Variants in C1orf87 observed in about 807,000 individuals in gnomAD.
C1orf87 encodes uncharacterized protein C1orf87.
A neutral mutation model predicts 60.5 loss-of-function variants in C1orf87; 58 were observed. That is an observed-to-expected ratio of 0.96 (90% CI 0.78 to 1.19). The LOEUF is 1.19. Among genes scored for constraint, C1orf87 ranks in the 50% most tolerant of loss-of-function variants. The probability of loss-of-function intolerance (pLI) is 0.00; values close to 1 mark genes in which losing one functional copy is unlikely to be tolerated. For synonymous variants in C1orf87, 236 were observed against 227.4 expected, an observed-to-expected ratio of 1.04 and a Z score of -0.34; for missense variants, 673 against 638.6, an observed-to-expected ratio of 1.05 and a Z score of -0.58.
intron 3 of C1orf87, among the ~76,000 whole-genome samples, chr1:60,048,988 T>C (rs2100309517): frequency 6.6e-6 from 1 of 152,232 alleles, no homozygotes; most frequent in African/African-American, 2.4e-5. Flanking sequence ...TCATTGTCTA[T>C]GGAAATTTAG....
At position 60,072,648 on chromosome 1, in the gene C1orf87, C is replaced by G. The variant is rs1480420147; in HGVS notation, c.-5G>C. 10 of 1,598,296 alleles carry G rather than the reference C, an allele frequency of 6.3e-6. No homozygotes were observed. The highest frequency in any genetic ancestry group is 7.7e-6 in the Non-Finnish European group (9 of 1,172,428). ...AGTCTTCCAGGCTGAAGACATGATT[C>G]CTTTCAAAATCCCTTCAGATCCCTA... On this transcript the variant is annotated 5_prime_UTR_variant, in exon 2 of 12. Coordinates refer to ENST00000371201, the MANE Select transcript of C1orf87 (RefSeq NM_152377.3).
chr1:60,009,112 C>T (rs1235996931), intron 9 of C1orf87, among the ~76,000 whole-genome samples: 1 of 152,010 alleles, frequency 6.6e-6, no homozygotes, highest in Non-Finnish European at 1.5e-5. Flanking sequence ...GAAACAAGAT[C>T]TTTTCAGATG....
At chr1:60,032,693 C>T (rs993529199) in intron 7 of C1orf87, among the ~76,000 whole-genome samples, 7 of 152,148 alleles carry the variant, frequency 4.6e-5, no homozygotes, top group African/African-American at 1.2e-4. Context: ...TCTGCCTCGG[C>T]GTCCCAAAGT....
chr1:60,061,253 C>T (rs542219954), intron 2 of C1orf87, among the ~76,000 whole-genome samples: 69 of 152,152 alleles, frequency 4.5e-4, no homozygotes, highest in Non-Finnish European at 8.7e-4. Flanking sequence ...TCTTAGCTGG[C>T]GAAACTAAAG....
At chr1:60,058,361 AG>A (rs1280095449) in intron 2 of C1orf87, among the ~76,000 whole-genome samples, 3 of 152,216 alleles carry the variant, frequency 2.0e-5, no homozygotes, top group Non-Finnish European at 2.9e-5. Context: ...ATGTAAATAT[AG>A]GTATGTTGTA....
chr1:59,991,272 T>C (rs1211308054), intron 11 of C1orf87, among the ~76,000 whole-genome samples: 4 of 152,222 alleles, frequency 2.6e-5, no homozygotes, highest in African/African-American at 9.6e-5. Flanking sequence ...TGCATTTCTC[T>C]AAATGTATTT....
intron 7 of C1orf87, among the ~76,000 whole-genome samples, chr1:60,028,323 A>G (rs1244450925): frequency 1.3e-5 from 2 of 152,226 alleles, no homozygotes; most frequent in Non-Finnish European, 2.9e-5. Context: ...CATATTAGAA[A>G]TAGTACATCA....
chr1:60,012,475 T>A (rs1157866852), intron 8 of C1orf87, among the ~76,000 whole-genome samples: 1 of 152,150 alleles, frequency 6.6e-6, no homozygotes, highest in Non-Finnish European at 1.5e-5. Flanking sequence ...AAGATCCTTC[T>A]AACAAAATAT....
intron 9 of C1orf87, among the ~76,000 whole-genome samples, chr1:60,003,781 C>T (rs1024231872): frequency 2.0e-5 from 3 of 151,976 alleles, no homozygotes; most frequent in Non-Finnish European, 2.9e-5. Context: ...TGTTCTAATA[C>T]GTAGTTTGAA....
chr1:60,069,136 G>A (rs544384528), intron 2 of C1orf87, among the ~76,000 whole-genome samples: 6 of 152,208 alleles, frequency 3.9e-5, no homozygotes, highest in Admixed American at 6.5e-5. Flanking sequence ...TATTCCTTAC[G>A]GGTGTTACAG....
intron 9 of C1orf87, among the ~76,000 whole-genome samples, chr1:60,005,405 A>C (rs1018753782): frequency 6.6e-6 from 1 of 151,796 alleles, no homozygotes; most frequent in African/African-American, 2.4e-5. Context: ...GAGATGCATC[A>C]AAGAATGTCA....
At chr1:60,065,466 T>C (rs1454174156) in intron 2 of C1orf87, among the ~76,000 whole-genome samples, 2 of 152,058 alleles carry the variant, frequency 1.3e-5, no homozygotes, top group African/African-American at 4.8e-5. Context: ...CAGAGACAGC[T>C]TCTGGGACCC....
intron 7 of C1orf87, among the ~76,000 whole-genome samples, chr1:60,030,839 C>A (rs1186027377): frequency 6.6e-6 from 1 of 152,168 alleles, no homozygotes; most frequent in Non-Finnish European, 1.5e-5. Context: ...ATGAGTGAGT[C>A]CGCAGAATGA....
At chr1:60,017,527 G>A (rs894804948) in intron 8 of C1orf87, among the ~76,000 whole-genome samples, 2 of 152,150 alleles carry the variant, frequency 1.3e-5, no homozygotes, top group Non-Finnish European at 2.9e-5. Flanking sequence ...AATTTGGCTT[G>A]TGTGCATGTG....
rs549412307 is a variant in C1orf87, at chr1:60,012,840, C to T, written c.1128-2384G>A. On this transcript the variant is annotated intron_variant, in intron 8 of 11. Coordinates refer to ENST00000371201, the MANE Select transcript of C1orf87 (RefSeq NM_152377.3). The stretch of plus-strand genomic sequence containing the variant: ...TCCAAAGGCACATGGATCAATGGGA[C>T]AGCAGGGATTTATGCCCTGACTCCA... Among the ~76,000 whole-genome samples, 40 of 152,246 alleles carry T rather than the reference C, an allele frequency of 2.6e-4. 1 individual carries two copies. In the South Asian group the frequency reaches 7.7e-3, roughly 29 times the overall value.
chr1:60,014,838 G>A (rs189886689), intron 8 of C1orf87, among the ~76,000 whole-genome samples: 9 of 152,138 alleles, frequency 5.9e-5, no homozygotes, highest in Admixed American at 3.3e-4. Context: ...ACTCTTTCCC[G>A]TCTCTTACCT....
intron 8 of C1orf87, among the ~76,000 whole-genome samples, chr1:60,019,344 A>T (rs1645146385): frequency 6.6e-6 from 1 of 152,172 alleles, no homozygotes; most frequent in East Asian, 1.9e-4. Flanking sequence ...TCCTGTGGCC[A>T]CTCAGCCATC....
At chr1:60,006,076 GT>G (rs1397822650) in intron 9 of C1orf87, among the ~76,000 whole-genome samples, 1 of 152,020 alleles carries the variant, frequency 6.6e-6, no homozygotes, top group African/African-American at 2.4e-5. Context: ...TTCTTAGATA[GT>G]AAAGTTCTCT....
chr1:60,015,559 T>G (rs1645119231), intron 8 of C1orf87, among the ~76,000 whole-genome samples: 1 of 152,098 alleles, frequency 6.6e-6, no homozygotes, highest in Admixed American at 6.6e-5. Flanking sequence ...TAGGTTTAGT[T>G]TATTCTGAGG....
Sources: gnomAD v4.1 joint callset for allele counts (sites outside exome capture counted in the v4.1 genomes callset) on GRCh38, gnomAD v4.1.1 for gene constraint, MANE v1.5 for transcripts, NCBI Gene and HGNC (gene_info 2026-07-23, HGNC 2026-07-21) for gene names.